The following ADAMTSL3 variants were observed in gnomAD, a reference collection of about 807,000 sequenced individuals.
The protein encoded by ADAMTSL3 is ADAMTS-like protein 3.
In ADAMTSL3, 128 loss-of-function variants were observed where a neutral mutation model predicts 201.7. That is an observed-to-expected ratio of 0.63 (90% CI 0.55 to 0.73). The LOEUF is 0.73. Among genes scored for constraint, ADAMTSL3 ranks in the 30% least tolerant of loss-of-function variants. The pLI, the probability that ADAMTSL3 is intolerant of heterozygous loss-of-function variation, is 0.00. For missense variants in ADAMTSL3, 1,990 were observed against 2,119.6 expected (o/e 0.94, Z 1.20); for synonymous variants, 738 against 748.4 (o/e 0.99, Z 0.23).
At chr15:83,767,435 G>C (rs546518762) in intron 3 of ADAMTSL3, among the ~76,000 whole-genome samples, 3 of 152,134 alleles carry the variant, frequency 2.0e-5, no homozygotes, top group Non-Finnish European at 4.4e-5. Flanking sequence ...TAACAACATG[G>C]AATTTAAATA....
chr15:83,917,605 C>T (rs2066060579), intron 16 of ADAMTSL3, among the ~76,000 whole-genome samples: 1 of 152,150 alleles, frequency 6.6e-6, no homozygotes, highest in Non-Finnish European at 1.5e-5. Flanking sequence ...ACATCATAAA[C>T]ATTCCTTACC....
intron 19 of ADAMTSL3, among the ~76,000 whole-genome samples, chr15:83,957,948 A>G (rs190619812): frequency 4.5e-4 from 69 of 152,340 alleles, no homozygotes; most frequent in Middle Eastern, 6.8e-3. Context: ...TGGTAGTAGC[A>G]TAGTTACTAT....
intron 3 of ADAMTSL3, among the ~76,000 whole-genome samples, chr15:83,708,494 C>CGGAGG (rs2061884330): frequency 6.6e-6 from 1 of 152,012 alleles, no homozygotes; most frequent in Non-Finnish European, 1.5e-5. Context: ...ATGGATCATA[C>CGGAGG]GGAGGGCCGC....
At chr15:83,742,772 G>T (rs981573903) in intron 3 of ADAMTSL3, among the ~76,000 whole-genome samples, 1 of 152,302 alleles carries the variant, frequency 6.6e-6, no homozygotes, top group Admixed American at 6.5e-5. Context: ...GTTTATGGGA[G>T]AGTTCCTTTC....
chr15:83,892,722 G>A lies in ADAMTSL3; in HGVS notation c.1301G>A (p.Cys434Tyr). The A allele has an allele frequency of 6.2e-7, 1 of 1,614,070 alleles. No individual in the cohort carries two copies. Residue 434 changes from cysteine to tyrosine, a missense_variant, in exon 13 of 30, where the codon TGT (cysteine) becomes TAT (tyrosine). Transcript: ENST00000286744. ...HNPWTACSVS[C>Y]GGGIQRRSFV... ...CCTTGGACTGCATGTTCCGTGTCCT[G>A]TGGAGGAGGGATTCAGAGACGGAGC...
intron 9 of ADAMTSL3, among the ~76,000 whole-genome samples, chr15:83,872,214 A>C (rs956902995): frequency 1.3e-5 from 2 of 152,092 alleles, no homozygotes; most frequent in Non-Finnish European, 2.9e-5. Context: ...AAAAATGGGA[A>C]GAGCTTGCAT....
chr15:83,938,661 C>G (rs2066502421), intron 17 of ADAMTSL3, among the ~76,000 whole-genome samples: 1 of 152,074 alleles, frequency 6.6e-6, no homozygotes, highest in Non-Finnish European at 1.5e-5. Context: ...TTTCAATGAT[C>G]CCATCATTAA....
chr15:83,841,456 C>T (rs888158734), intron 7 of ADAMTSL3, among the ~76,000 whole-genome samples: 3 of 152,164 alleles, frequency 2.0e-5, no homozygotes, highest in African/African-American at 7.2e-5. Flanking sequence ...TATTTCACTT[C>T]CATGGGTATC....
intron 8 of ADAMTSL3, among the ~76,000 whole-genome samples, chr15:83,860,040 C>T (rs1054944267): frequency 9.2e-5 from 14 of 151,978 alleles, no homozygotes; most frequent in African/African-American, 2.9e-4. Flanking sequence ...TAGTGGCGCA[C>T]GCCTGTAGTC....
chr15:83,994,797 C>T (rs1567289748), intron 23 of ADAMTSL3, among the ~76,000 whole-genome samples: 2 of 142,460 alleles, frequency 1.4e-5, no homozygotes, highest in South Asian at 2.3e-4. Context: ...TTAGTAGAGA[C>T]GGGGGTTTCA....
intron 19 of ADAMTSL3, among the ~76,000 whole-genome samples, chr15:83,968,195 A>G (rs1466742506): frequency 2.6e-5 from 4 of 152,232 alleles, no homozygotes; most frequent in Admixed American, 6.5e-5. Context: ...GATCTAATTA[A>G]ACTGAAGAGC....
intron 4 of ADAMTSL3, among the ~76,000 whole-genome samples, chr15:83,794,851 AATT>A (rs1005680235): frequency 4.0e-5 from 6 of 151,880 alleles, no homozygotes; most frequent in Admixed American, 1.3e-4. Context: ...TGTGATTTAC[AATT>A]ATTATTATTA....
intron 6 of ADAMTSL3, 78 bp from the exon 7 acceptor site, chr15:83,838,011 A>C: frequency 6.5e-7 from 1 of 1,546,962 alleles, no homozygotes; most frequent in Non-Finnish European, 8.7e-7. Flanking sequence ...ATTACATCAC[A>C]ACTAAGCTTC....
At chr15:83,959,720 GA>G (rs1356405502) in intron 19 of ADAMTSL3, among the ~76,000 whole-genome samples, 2 of 152,194 alleles carry the variant, frequency 1.3e-5, no homozygotes, top group Non-Finnish European at 2.9e-5. Flanking sequence ...GTCTATAGAG[GA>G]AACCATGACA....
intron 13 of ADAMTSL3, among the ~76,000 whole-genome samples, chr15:83,896,164 A>G (rs1189041028): frequency 6.6e-6 from 1 of 152,162 alleles, no homozygotes; most frequent in African/African-American, 2.4e-5. Flanking sequence ...CCATTTGCTT[A>G]TCTGTTCAAT....
intron 7 of ADAMTSL3, among the ~76,000 whole-genome samples, chr15:83,839,223 AC>A (rs2064330007): frequency 6.6e-6 from 1 of 152,120 alleles, no homozygotes; most frequent in South Asian, 2.1e-4. Flanking sequence ...GTTTGATGTA[AC>A]TTGTAAAGTC....
chr15:83,688,590 T>A (rs911478196), intron 2 of ADAMTSL3, among the ~76,000 whole-genome samples: 2 of 152,124 alleles, frequency 1.3e-5, no homozygotes, highest in African/African-American at 4.8e-5. Flanking sequence ...ACCTTTACGT[T>A]CTTTTATTCC....
chr15:83,894,052 C>T (rs2065563139), intron 13 of ADAMTSL3, among the ~76,000 whole-genome samples: 1 of 152,114 alleles, frequency 6.6e-6, no homozygotes, highest in South Asian at 2.1e-4. Context: ...CACAGACATG[C>T]ATGCAAACAA....
intron 17 of ADAMTSL3, among the ~76,000 whole-genome samples, chr15:83,935,326 G>A (rs1342888999): frequency 1.3e-5 from 2 of 152,144 alleles, no homozygotes; most frequent in Non-Finnish European, 2.9e-5. Flanking sequence ...CTGTCATTCT[G>A]ATGGATCATG....
Sources: gnomAD v4.1 joint callset for allele counts (sites outside exome capture counted in the v4.1 genomes callset) on GRCh38, gnomAD v4.1.1 for gene constraint, MANE v1.5 for transcripts, NCBI Gene and HGNC (gene_info 2026-07-23, HGNC 2026-07-21) for gene names.